The following MCUR1 variants were observed in gnomAD, a reference collection of about 807,000 sequenced individuals.
MCUR1 encodes MCU regulator 1.
A neutral mutation model predicts 42.0 loss-of-function variants in MCUR1; 37 were observed. The observed-to-expected ratio is 0.88, with a 90% CI of 0.68 to 1.16. The LOEUF is 1.16. Among genes scored for constraint, MCUR1 ranks in the 50% most tolerant of loss-of-function variants. MCUR1 has a pLI of 0.00. For synonymous variants in MCUR1, 229 were observed against 196.2 expected (o/e 1.17, Z -1.40); for missense variants, 469 against 468.4 (o/e 1.00, Z -0.01).
At chr6:13,799,213 T>C (rs1172322628) in intron 5 of MCUR1, among the ~76,000 whole-genome samples, 6 of 146,732 alleles carry the variant, frequency 4.1e-5, no homozygotes, top group Non-Finnish European at 8.9e-5. Context: ...TGAGATGGAG[T>C]CTCACTCTGT....
intron 6 of MCUR1, among the ~76,000 whole-genome samples, chr6:13,798,504 C>G (rs990104121): frequency 3.3e-5 from 5 of 152,024 alleles, no homozygotes; most frequent in Admixed American, 1.3e-4. Flanking sequence ...TTTACAAGAT[C>G]AAGACCTATG....
intron 2 of MCUR1, among the ~76,000 whole-genome samples, chr6:13,805,319 TC>T (rs984533074): frequency 2.0e-5 from 3 of 152,154 alleles, no homozygotes; most frequent in Non-Finnish European, 4.4e-5. Context: ...CATGCTCCCT[TC>T]TCGCTTCTAC....
At chr6:13,792,063 T>C in intron 7 of MCUR1, 71 bp from the exon 8 acceptor site, 1 of 1,168,772 alleles carries the variant, frequency 8.6e-7, no homozygotes. Flanking sequence ...TATAGCTCCT[T>C]CCCAACGGGG....
rs1481374929 is a variant in MCUR1 at position 13,814,277 on chromosome 6, C to T, written c.153G>A (p.Ala51=). The change falls in exon 1 of 9, where the codon GCG becomes GCA. Residue 51 remains alanine, a synonymous_variant. Coordinates refer to ENST00000379170, the MANE Select transcript of MCUR1 (RefSeq NM_001031713.4). The part of the protein sequence containing the change: ...CLSALSDGLG[A]LRPRAPAARG... Reference sequence around the variant, plus strand: ...GGGCCGCCGGGGCGCGAGGGCGCAGCGCCCCCAGACCGTCGGAGAGCGCAG... The same window carrying T: ...GGGCCGCCGGGGCGCGAGGGCGCAGTGCCCCCAGACCGTCGGAGAGCGCAG... 1.4e-6 allele frequency: 2 copies of T among 1,479,166 alleles called. No homozygotes were observed. Among genetic ancestry groups the T allele is most frequent in the Non-Finnish European group, 1.8e-6 (2 of 1,122,364 alleles). 91.6% of individuals were successfully genotyped at this position (1,479,166 alleles called of 1,614,324 possible).
At chr6:13,792,801 A>C (rs1397485936) in intron 7 of MCUR1, among the ~76,000 whole-genome samples, 1 of 152,180 alleles carries the variant, frequency 6.6e-6, no homozygotes, top group Non-Finnish European at 1.5e-5. Flanking sequence ...AGTATTCCAG[A>C]GAAATATCCC....
At chr6:13,794,188 A>G (rs1759803182) in intron 6 of MCUR1, among the ~76,000 whole-genome samples, 1 of 151,450 alleles carries the variant, frequency 6.6e-6, no homozygotes. Flanking sequence ...TCTGAGCTCG[A>G]GCAATCTGCC....
At chr6:13,801,497 A>T (rs1433869587) in intron 3 of MCUR1, 108 bp from the exon 4 acceptor site, 1 of 736,790 alleles carries the variant, frequency 1.4e-6, no homozygotes, top group Non-Finnish European at 2.3e-6. Context: ...ATGTGGACAC[A>T]AAAAGAGGTT....
chr6:13,809,701 C>G (rs967915777), intron 1 of MCUR1, among the ~76,000 whole-genome samples: 1 of 149,300 alleles, frequency 6.7e-6, no homozygotes, highest in East Asian at 2.0e-4. Context: ...CGAGACCAAC[C>G]TGGGCAACAC....
At chr6:13,806,684 G>C (rs978201098) in intron 2 of MCUR1, among the ~76,000 whole-genome samples, 1 of 152,026 alleles carries the variant, frequency 6.6e-6, no homozygotes, top group Admixed American at 6.6e-5. Flanking sequence ...CCAGCTACTC[G>C]GGAGGCTGAG....
intron 1 of MCUR1, 21 bp downstream of exon 1, chr6:13,813,994 C>T (rs1339459407): frequency 2.4e-6 from 3 of 1,231,068 alleles, no homozygotes; most frequent in East Asian, 3.2e-5. Context: ...AGCCCCCTCT[C>T]CTCTCCCGCC....
At chr6:13,804,058 C>A (rs547255063) in intron 2 of MCUR1, 14 of 963,072 alleles carry the variant, frequency 1.5e-5, no homozygotes, top group African/African-American at 1.8e-5. Context: ...CAGTGGTTCA[C>A]GCCTGTAATC....
rs147096721 is a variant in MCUR1 at position 13,803,279 on chromosome 6, T to A, written c.536-933A>T. ...TTTCTCCGTGTTGGTCAGGCTGTTCTCGAACTCCCGACCTCAGGTGATCTG... is the reference window on the plus strand; with the variant it reads ...TTTCTCCGTGTTGGTCAGGCTGTTCACGAACTCCCGACCTCAGGTGATCTG... On this transcript the variant is annotated intron_variant, in intron 2 of 8. Transcript: ENST00000379170. Among the ~76,000 whole-genome samples the A allele has an allele frequency of 4.8e-3, 730 of 152,368 alleles. 13 individuals are homozygous for A. In the East Asian group the frequency reaches 0.051, roughly 11 times the overall value.
Position 13,799,157 on chromosome 6 carries a change from T to A in MCUR1, c.784-253A>T, listed in dbSNP as rs192451026. 4.6e-5 allele frequency among the ~76,000 whole-genome samples: 7 copies of A among 152,080 alleles called. No homozygotes were observed. The East Asian group carries it at 1.4e-3, about 29-fold the overall frequency. On this transcript the variant is annotated intron_variant, in intron 5 of 8. Transcript: ENST00000379170. ...GACACAAATAACCCCCTTCTATGCT[T>A]ATGCCAGTCTAGAGTGGGTTGTTGC...
chr6:13,803,759 CTG>C, intron 2 of MCUR1: 1 of 985,316 alleles, frequency 1.0e-6, no homozygotes, highest in Admixed American at 6.1e-5. Flanking sequence ...AGCTCTGACT[CTG>C]TTTTCTTTTT....
chr6:13,802,225 CCA>C lies in MCUR1; in HGVS notation c.639+16_639+17del. The C allele has an allele frequency of 1.2e-6, 2 of 1,607,648 alleles. No homozygotes were observed. Among genetic ancestry groups the C allele is most frequent in the Non-Finnish European group, 1.7e-6 (2 of 1,174,634 alleles). On this transcript the variant is annotated intron_variant, in intron 3 of 8. Transcript: ENST00000379170. ...ATCTTCACAGTCCTAATTTGCTAAACCACCCAACAAGGCTAACCTGCTGCATC... is the reference window on the plus strand; with the variant it reads ...ATCTTCACAGTCCTAATTTGCTAAACCCCAACAAGGCTAACCTGCTGCATC...
intron 1 of MCUR1, among the ~76,000 whole-genome samples, chr6:13,810,202 C>T (rs77810733): frequency 1.4e-5 from 2 of 141,852 alleles, no homozygotes; most frequent in Admixed American, 7.0e-5. Context: ...GACTTCATCT[C>T]AAAAAAAAAA....
At position 13,814,243 on chromosome 6, in the gene MCUR1, CGCCGCCGCGG is replaced by C. The variant is rs769851385; in HGVS notation, c.177_186del (p.Arg60CysfsTer12). 15 of 1,470,438 alleles carry C rather than the reference CGCCGCCGCGG, an allele frequency of 1.0e-5. No individual in the cohort carries two copies. The highest frequency in any genetic ancestry group is 9.0e-5 in the East Asian group (3 of 33,426). 91.1% of individuals were successfully genotyped at this position (1,470,438 alleles called of 1,614,324 possible). ...AGGAGCAGCGGTGAGGCACGTGACACGCCGCCGCGGGCCGCCGGGGCGCGAGGGCGCAGCG... is the reference window on the plus strand; with the variant it reads ...AGGAGCAGCGGTGAGGCACGTGACACGCCGCCGGGGCGCGAGGGCGCAGCG... On this transcript the variant is annotated frameshift_variant, in exon 1 of 9. Coordinates refer to ENST00000379170, the MANE Select transcript of MCUR1 (RefSeq NM_001031713.4). LOFTEE classifies it high-confidence loss of function.
At chr6:13,802,664 C>T (rs952880438) in intron 2 of MCUR1, among the ~76,000 whole-genome samples, 1 of 152,194 alleles carries the variant, frequency 6.6e-6, no homozygotes, top group African/African-American at 2.4e-5. Context: ...TGAAAAAAGG[C>T]AAGACTCAAA....
chr6:13,789,364 GCA>G lies in MCUR1; in HGVS notation c.*1443_*1444del, dbSNP rs897141741. On this transcript the variant is annotated 3_prime_UTR_variant, in exon 9 of 9. Transcript: ENST00000379170. ...TGCAGTGAGCAGAGATCACGACAAT[GCA>G]CTCCAGCCCTGCGACAGTGCGAGAC... 29 of 151,388 alleles carry G rather than the reference GCA, an allele frequency of 1.9e-4. No homozygotes were observed. The highest frequency in any genetic ancestry group is 7.0e-4 in the African/African-American group (29 of 41,140). The allele number at this position is 151,388 out of a possible 1,614,324, so 9.4% of individuals were successfully genotyped here.
Sources: allele counts gnomAD v4.1 joint callset (sites outside exome capture counted in the v4.1 genomes callset), GRCh38; gene constraint gnomAD v4.1.1; transcripts MANE v1.5; gene names NCBI Gene and HGNC (gene_info 2026-07-23, HGNC 2026-07-21).